The following METAP1 variants were observed in gnomAD, a reference collection of about 807,000 sequenced individuals.
METAP1 encodes the protein methionine aminopeptidase 1.
METAP1 carries 28 observed loss-of-function variants against 53.8 expected under a neutral mutation model. The ratio of observed to expected loss-of-function variants is 0.52; its 90% confidence interval spans 0.39 to 0.71. The LOEUF (loss-of-function observed/expected upper bound fraction) is 0.71, where lower values mean the gene tolerates loss of function less well. Among genes scored for constraint, METAP1 ranks in the 30% least tolerant of loss-of-function variants. METAP1 has a pLI of 0.00. For synonymous variants in METAP1, 181 were observed against 165.7 expected (o/e 1.09, Z -0.71); for missense variants, 389 against 479.8 (o/e 0.81, Z 1.77).
chr4:99,001,049 G>A (rs943190896), intron 1 of METAP1, among the ~76,000 whole-genome samples: 1 of 152,156 alleles, frequency 6.6e-6, no homozygotes, highest in African/African-American at 2.4e-5. Flanking sequence ...AGGTAGAGAA[G>A]GAATTGCCGT....
At chr4:99,014,602 G>A (rs990999634) in intron 1 of METAP1, among the ~76,000 whole-genome samples, 5 of 152,126 alleles carry the variant, frequency 3.3e-5, no homozygotes, top group South Asian at 4.1e-4. Flanking sequence ...AACACCTGTC[G>A]CATCTAGGTG....
chr4:99,036,412 G>A (rs1347262819), intron 4 of METAP1, among the ~76,000 whole-genome samples: 1 of 151,964 alleles, frequency 6.6e-6, no homozygotes, highest in Non-Finnish European at 1.5e-5. Context: ...GTATTAGCTT[G>A]TATTTTAGAA....
intron 1 of METAP1, among the ~76,000 whole-genome samples, chr4:98,996,838 A>G (rs745398940): frequency 2.0e-5 from 3 of 152,208 alleles, no homozygotes; most frequent in Non-Finnish European, 2.9e-5. Context: ...TGAATATTCA[A>G]ATATTAAATT....
At chr4:99,039,531 G>T in intron 5 of METAP1, 66 bp downstream of exon 5, 2 of 936,050 alleles carry the variant, frequency 2.1e-6, no homozygotes, top group Non-Finnish European at 3.4e-6. Context: ...GAAGTCAGTG[G>T]TTTGCTGATT....
chr4:99,029,923 G>T (rs1262350393), intron 2 of METAP1, among the ~76,000 whole-genome samples: 1 of 152,152 alleles, frequency 6.6e-6, no homozygotes, highest in African/African-American at 2.4e-5. Context: ...GCTGTTGTGG[G>T]AGAAATGTGG....
chr4:99,018,461 A>T (rs908396014), intron 1 of METAP1, among the ~76,000 whole-genome samples: 1 of 152,158 alleles, frequency 6.6e-6, no homozygotes, highest in Non-Finnish European at 1.5e-5. Flanking sequence ...TATTCAGTGA[A>T]TCCTCAAATC....
chr4:99,003,314 G>T (rs931242634), intron 1 of METAP1, among the ~76,000 whole-genome samples: 1 of 152,182 alleles, frequency 6.6e-6, no homozygotes, highest in Non-Finnish European at 1.5e-5. Flanking sequence ...AGTACAAAAC[G>T]CAAACCAATC....
intron 1 of METAP1, among the ~76,000 whole-genome samples, chr4:99,004,947 G>A (rs1350808657): frequency 6.6e-6 from 1 of 151,776 alleles, no homozygotes; most frequent in African/African-American, 2.4e-5. Context: ...GGGTTGTTAC[G>A]GTTTTTCTAT....
chr4:99,011,124 C>T (rs942330483), intron 1 of METAP1, among the ~76,000 whole-genome samples: 1 of 151,754 alleles, frequency 6.6e-6, no homozygotes, highest in East Asian at 1.9e-4. Flanking sequence ...TTTACTTCTT[C>T]CTTTTTAATT....
At position 99,061,747 on chromosome 4, in the gene METAP1, T is replaced by C. The variant is rs1050977871; in HGVS notation, c.*430T>C. On this transcript the variant is annotated 3_prime_UTR_variant, in exon 11 of 11. Coordinates refer to ENST00000296411, the MANE Select transcript of METAP1 (RefSeq NM_015143.3). ...ATATATATGTATACATTTTAAGTTC[T>C]GTATACATAATTACCAAACACTATG... is the stretch of plus-strand genomic sequence containing the variant. The C allele has an allele frequency of 6.5e-6, 1 of 152,684 alleles. No homozygotes were observed. Among genetic ancestry groups the C allele is most frequent in the African/African-American group, 2.4e-5 (1 of 41,472 alleles). 9.5% of individuals were successfully genotyped at this position (152,684 alleles called of 1,614,324 possible). A position where few individuals can be genotyped will look rare whatever the true frequency, so the allele number is the denominator to read the frequency against.
chr4:99,047,747 A>G (rs549816067), intron 8 of METAP1, among the ~76,000 whole-genome samples: 1 of 152,312 alleles, frequency 6.6e-6, no homozygotes, highest in Admixed American at 6.5e-5. Context: ...TAGGAGTCTG[A>G]CAGTGCCCAG....
intron 4 of METAP1, 128 bp downstream of exon 4, chr4:99,035,588 CAT>C (rs1725369214): frequency 1.1e-5 from 7 of 652,554 alleles, no homozygotes; most frequent in Admixed American, 2.9e-5. Flanking sequence ...TTTCAAGCAC[CAT>C]TAGAACATTG....
intron 10 of METAP1, among the ~76,000 whole-genome samples, chr4:99,060,393 T>C (rs1384330467): frequency 2.8e-5 from 4 of 143,420 alleles, no homozygotes; most frequent in Admixed American, 1.5e-4. Flanking sequence ...AGACGGAGTC[T>C]TGGTCTGTCG....
chr4:99,032,236 G>GT lies in METAP1; in HGVS notation c.167-1985dup, dbSNP rs369628710. The stretch of plus-strand genomic sequence containing the variant: ...TTTTTTTTTTGTTTTGTTTTGTTTT[G>GT]TTTTTTTTTGAGACAGGGTGTTCCT... On this transcript the variant is annotated intron_variant, in intron 2 of 10. Transcript: ENST00000296411. 7.7e-3 allele frequency among the ~76,000 whole-genome samples: 1,132 copies of GT among 146,108 alleles called. 9 individuals carry two copies. The highest frequency in any genetic ancestry group is 0.027 in the African/African-American group (1,078 of 39,608).
intron 1 of METAP1, among the ~76,000 whole-genome samples, chr4:99,020,407 G>T (rs766883375): frequency 1.3e-5 from 2 of 152,124 alleles, no homozygotes; most frequent in Non-Finnish European, 2.9e-5. Flanking sequence ...GGAAAATTTT[G>T]AATATCCCTT....
intron 2 of METAP1, among the ~76,000 whole-genome samples, chr4:99,029,186 C>G (rs1191621199): frequency 6.6e-6 from 1 of 152,160 alleles, no homozygotes; most frequent in Non-Finnish European, 1.5e-5. Context: ...CCTGATGATG[C>G]TGTCATCTTT....
Position 99,041,115 on chromosome 4 carries a change from G to T in METAP1, c.505G>T (p.Ala169Ser), listed in dbSNP as rs571036181. 2.7e-5 allele frequency: 43 copies of T among 1,599,580 alleles called. No individual in the cohort carries two copies. The highest frequency in any genetic ancestry group is 3.6e-5 in the Non-Finnish European group (42 of 1,170,510). Residue 169 changes from alanine to serine, a missense_variant, in exon 6 of 11, where the codon GCT (alanine) becomes TCT (serine). Coordinates refer to ENST00000296411, the MANE Select transcript of METAP1 (RefSeq NM_015143.3). Reference protein sequence around the residue: ...PGVTTEEIDHAVHLACIARNC... With the variant: ...PGVTTEEIDHSVHLACIARNC... ...TGTAACTACTGAAGAAATAGATCAC[G>T]CTGTACACTTAGTAAGAACTTCACT...
chr4:99,007,588 G>A (rs1322015674), intron 1 of METAP1, among the ~76,000 whole-genome samples: 1 of 150,984 alleles, frequency 6.6e-6, no homozygotes, highest in Non-Finnish European at 1.5e-5. Context: ...GTAAGGTAGA[G>A]TTTTCCCTCA....
chr4:99,018,084 A>T (rs182793576), intron 1 of METAP1, among the ~76,000 whole-genome samples: 1 of 152,256 alleles, frequency 6.6e-6, no homozygotes, highest in Non-Finnish European at 1.5e-5. Context: ...TCATAAAGCA[A>T]TTTACTTCTT....
Sources: gnomAD v4.1 joint callset for allele counts (sites outside exome capture counted in the v4.1 genomes callset) on GRCh38, gnomAD v4.1.1 for gene constraint, MANE v1.5 for transcripts, NCBI Gene and HGNC (gene_info 2026-07-23, HGNC 2026-07-21) for gene names.